The following KIAA1671 variants were observed in gnomAD, a reference collection of about 807,000 sequenced individuals.
KIAA1671 encodes the protein KIAA1671, also known as uncharacterized protein KIAA1671.
A neutral mutation model predicts 131.2 loss-of-function variants in KIAA1671; 52 were observed. The observed-to-expected ratio is 0.40, with a 90% CI of 0.32 to 0.50. KIAA1671 has a LOEUF of 0.50. Among genes scored for constraint, KIAA1671 ranks in the 20% least tolerant of loss-of-function variants. The pLI is 0.73. For synonymous variants in KIAA1671, 1,003 were observed against 961.6 expected (o/e 1.04, Z -0.80); for missense variants, 2,360 against 2,364.2 (o/e 1.00, Z 0.04).
chr22:25,195,406 C>T lies in KIAA1671; in HGVS notation c.*3005C>T, dbSNP rs950749239. On this transcript the variant is annotated 3_prime_UTR_variant, in exon 13 of 13. Coordinates refer to ENST00000358431, the MANE Select transcript of KIAA1671 (RefSeq NM_001145206.2). ...AGAAACTCTGGTGAAAGAGAAACCTCGTGGTCTTTAGGATGTTGGGATTTT... is the reference window on the plus strand; with the variant it reads ...AGAAACTCTGGTGAAAGAGAAACCTTGTGGTCTTTAGGATGTTGGGATTTT... 2.0e-5 allele frequency: 3 copies of T among 152,152 alleles called. No homozygotes were observed. The East Asian group carries it at 5.8e-4, about 29-fold the overall frequency. 9.4% of individuals were successfully genotyped at this position (152,152 alleles called of 1,614,324 possible).
chr22:25,093,784 C>G lies in KIAA1671; in HGVS notation c.4530+44420C>G, dbSNP rs1020761975. On this transcript the variant is annotated intron_variant, in intron 6 of 12. Transcript: ENST00000358431. Reference sequence around the variant, plus strand: ...TCTCTCTCTGTCTCTCTCTCTCTCTCTCTCTCTCTCTCTCTCTCTCTCTCT... The same window carrying G: ...TCTCTCTCTGTCTCTCTCTCTCTCTGTCTCTCTCTCTCTCTCTCTCTCTCT... Among the ~76,000 whole-genome samples the G allele has an allele frequency of 4.3e-3, 551 of 127,026 alleles. 14 individuals carry two copies. Among genetic ancestry groups the G allele is most frequent in the Middle Eastern group, 0.019 (5 of 260 alleles). The allele number at this position is 127,026 out of a possible 152,430, so 83.3% of individuals were successfully genotyped here.
chr22:25,093,704 C>T (rs1930137826), intron 6 of KIAA1671, among the ~76,000 whole-genome samples: 1 of 113,748 alleles, frequency 8.8e-6, no homozygotes, highest in African/African-American at 6.3e-5. Flanking sequence ...CACACACACA[C>T]ACACACACAC....
At chr22:25,095,373 C>T (rs1238091418) in intron 6 of KIAA1671, among the ~76,000 whole-genome samples, 6 of 152,278 alleles carry the variant, frequency 3.9e-5, no homozygotes, top group Non-Finnish European at 4.4e-5. Flanking sequence ...ATCAAGAGGC[C>T]GGGCACTGTG....
chr22:25,066,915 G>A (rs1928505888), intron 6 of KIAA1671, among the ~76,000 whole-genome samples: 1 of 152,150 alleles, frequency 6.6e-6, no homozygotes, highest in African/African-American at 2.4e-5. Context: ...GAGTGCCTCG[G>A]TCACATCTGT....
intron 6 of KIAA1671, among the ~76,000 whole-genome samples, chr22:25,104,707 G>A (rs5760856): frequency 0.025 from 3,727 of 152,100 alleles, 117 homozygotes; most frequent in East Asian, 0.16. Flanking sequence ...CCCATAGCAT[G>A]TTATTCACTT....
chr22:25,126,820 G>A (rs1331576548), intron 6 of KIAA1671, among the ~76,000 whole-genome samples: 3 of 152,214 alleles, frequency 2.0e-5, no homozygotes, highest in South Asian at 4.1e-4. Flanking sequence ...TTGAGCCACA[G>A]ACAATTACTG....
chr22:25,190,839 G>A, intron 12 of KIAA1671, 55 bp downstream of exon 12: 6 of 1,218,586 alleles, frequency 4.9e-6, no homozygotes, highest in Non-Finnish European at 7.1e-6. Flanking sequence ...CACAGGAATG[G>A]GGAACTCAGG....
intron 6 of KIAA1671, among the ~76,000 whole-genome samples, chr22:25,079,749 C>T (rs1455199091): frequency 6.6e-6 from 1 of 152,116 alleles, no homozygotes; most frequent in Non-Finnish European, 1.5e-5. Flanking sequence ...CCATGCCGGG[C>T]CTTGCAGTCA....
intron 6 of KIAA1671, chr22:25,064,805 A>T (rs5760823): frequency 0.29 from 44,034 of 152,178 alleles, 6,441 homozygotes; most frequent in South Asian, 0.36. Flanking sequence ...TGCTGGGACA[A>T]CTGGGAATTC....
chr22:25,064,177 C>T (rs1035134521), intron 6 of KIAA1671: 1 of 152,286 alleles, frequency 6.6e-6, no homozygotes, highest in Non-Finnish European at 1.5e-5. Context: ...AATTCTCCAG[C>T]CTCAGCCTCC....
chr22:24,987,467 G>A (rs948147475), intron 1 of KIAA1671, among the ~76,000 whole-genome samples: 3 of 151,894 alleles, frequency 2.0e-5, no homozygotes, highest in Non-Finnish European at 2.9e-5. Flanking sequence ...CACTGCGCCT[G>A]GCCTATTATT....
At chr22:25,091,031 C>T (rs1290976488) in intron 6 of KIAA1671, among the ~76,000 whole-genome samples, 2 of 152,056 alleles carry the variant, frequency 1.3e-5, no homozygotes, top group Non-Finnish European at 2.9e-5. Flanking sequence ...TAAATGACTG[C>T]GTGAATGAGT....
At chr22:24,983,088 G>A (rs1923316758) in intron 1 of KIAA1671, among the ~76,000 whole-genome samples, 1 of 152,180 alleles carries the variant, frequency 6.6e-6, no homozygotes. Context: ...GGGTCTGTGG[G>A]CTGGAGGGAG....
At position 25,168,429 on chromosome 22, in the gene KIAA1671, G is replaced by A. The variant is rs186820624; in HGVS notation, c.4531-2391G>A. ...TCCAGGGTATACAGTGGTGGCTCACGCCTGGAATCCCAGCACTGCGGGAGG... is the reference window on the plus strand; with the variant it reads ...TCCAGGGTATACAGTGGTGGCTCACACCTGGAATCCCAGCACTGCGGGAGG... On this transcript the variant is annotated intron_variant, in intron 6 of 12. Transcript: ENST00000358431. 4.3e-3 allele frequency among the ~76,000 whole-genome samples: 661 copies of A among 152,322 alleles called. 3 individuals are homozygous for A. The highest frequency in any genetic ancestry group is 6.9e-3 in the Non-Finnish European group (471 of 68,024).
chr22:25,161,418 G>A (rs1279969252), intron 6 of KIAA1671, among the ~76,000 whole-genome samples: 5 of 152,268 alleles, frequency 3.3e-5, no homozygotes, highest in Middle Eastern at 3.2e-3. Context: ...GCCTGGGCCC[G>A]TGGAGGCAGC....
intron 6 of KIAA1671, among the ~76,000 whole-genome samples, chr22:25,081,543 C>T (rs534750566): frequency 1.4e-4 from 22 of 152,106 alleles, no homozygotes; most frequent in Middle Eastern, 3.4e-3. Context: ...CTGGCTGCCT[C>T]GAGGGTGGAA....
Position 25,093,721 on chromosome 22 carries a change from ACACACACACACACACACTCTCTCTCTCT to A in KIAA1671, c.4530+44359_4530+44386del, listed in dbSNP as rs1568950891. 2.7e-4 allele frequency among the ~76,000 whole-genome samples: 25 copies of A among 93,064 alleles called. 1 individual carries two copies. Among genetic ancestry groups the A allele is most frequent in the African/African-American group, 1.5e-3 (18 of 12,026 alleles). 61.1% of individuals were successfully genotyped at this position (93,064 alleles called of 152,430 possible). On this transcript the variant is annotated intron_variant, in intron 6 of 12. Coordinates refer to ENST00000358431, the MANE Select transcript of KIAA1671 (RefSeq NM_001145206.2). ...CACACACACACACACACACACACAC[ACACACACACACACACACTCTCTCTCTCT>A]CTCTCTCTCTCTCTCTCTGTCTCTC...
At chr22:25,162,641 T>C (rs1419654872) in intron 6 of KIAA1671, among the ~76,000 whole-genome samples, 1 of 152,244 alleles carries the variant, frequency 6.6e-6, no homozygotes, top group African/African-American at 2.4e-5. Context: ...GGTGTTGTTC[T>C]AAGTGCTGGG....
chr22:25,137,704 G>T (rs1451905905), intron 6 of KIAA1671, among the ~76,000 whole-genome samples: 1 of 152,194 alleles, frequency 6.6e-6, no homozygotes, highest in Admixed American at 6.5e-5. Context: ...CTCAATCACT[G>T]TTATTTACCA....
Sources: allele counts gnomAD v4.1 joint callset (sites outside exome capture counted in the v4.1 genomes callset), GRCh38; gene constraint gnomAD v4.1.1; transcripts MANE v1.5; gene names NCBI Gene and HGNC (gene_info 2026-07-23, HGNC 2026-07-21).